FAM184A: variants seen among roughly 807,000 people sequenced by gnomAD.
FAM184A encodes protein FAM184A.
FAM184A carries 99 observed loss-of-function variants against 143.8 expected under a neutral mutation model. The ratio of observed to expected loss-of-function variants is 0.69; its 90% CI spans 0.58 to 0.81. The LOEUF is 0.81. FAM184A is among the 40% of genes least tolerant of loss of function. FAM184A has a pLI of 0.00. For missense variants in FAM184A, 1,217 were observed against 1,310.5 expected, an observed-to-expected ratio of 0.93 and a Z score of 1.10; for synonymous variants, 427 against 446.4, an observed-to-expected ratio of 0.96 and a Z score of 0.55.
At chr6:119,075,277 C>T (rs1352099134) in intron 1 of FAM184A, among the ~76,000 whole-genome samples, 2 of 152,076 alleles carry the variant, frequency 1.3e-5, no homozygotes, top group Non-Finnish European at 2.9e-5. Context: ...TATCACACAA[C>T]GCTGTTAAAT....
intron 1 of FAM184A, among the ~76,000 whole-genome samples, chr6:119,048,962 C>T (rs1455320640): frequency 6.6e-6 from 1 of 152,174 alleles, no homozygotes; most frequent in Non-Finnish European, 1.5e-5. Flanking sequence ...CAATGCTATT[C>T]CAATCCAACT....
chr6:119,020,753 T>C (rs1447700724), intron 3 of FAM184A, among the ~76,000 whole-genome samples: 2 of 152,022 alleles, frequency 1.3e-5, no homozygotes, highest in Non-Finnish European at 2.9e-5. Context: ...GATGGGAGGA[T>C]TGTTTGAGCC....
chr6:119,081,091 T>C (rs1338875123), upstream of FAM184A, among the ~76,000 whole-genome samples: 1 of 152,134 alleles, frequency 6.6e-6, no homozygotes, highest in Non-Finnish European at 1.5e-5. Flanking sequence ...ACCAAGTGAA[T>C]GGTGCTAACC....
intron 9 of FAM184A, among the ~76,000 whole-genome samples, chr6:119,002,338 C>A (rs898687179): frequency 1.3e-5 from 2 of 152,048 alleles, no homozygotes; most frequent in African/African-American, 4.8e-5. Context: ...TGAAAATGTG[C>A]AAATTCTTTT....
intron 6 of FAM184A, chr6:119,011,032 G>A (rs1293773337): frequency 3.8e-6 from 1 of 260,236 alleles, no homozygotes; most frequent in Non-Finnish European, 7.2e-6. Context: ...TTTGGCAAAA[G>A]GGTAGAGAAC....
At chr6:119,044,367 G>A (rs1477610070) in intron 1 of FAM184A, among the ~76,000 whole-genome samples, 1 of 152,164 alleles carries the variant, frequency 6.6e-6, no homozygotes, top group East Asian at 1.9e-4. Context: ...AGAATCACTT[G>A]AGACCAGGAA....
At chr6:118,983,834 A>G (rs574199999) in intron 9 of FAM184A, among the ~76,000 whole-genome samples, 92 of 152,176 alleles carry the variant, frequency 6.0e-4, no homozygotes, top group African/African-American at 2.0e-3. Flanking sequence ...AAGTTTTATA[A>G]AAATTTCAAA....
intron 1 of FAM184A, among the ~76,000 whole-genome samples, chr6:119,032,240 C>T (rs985880649): frequency 6.6e-6 from 1 of 151,524 alleles, no homozygotes; most frequent in Admixed American, 6.6e-5. Flanking sequence ...CTACTGCACT[C>T]CAACCTGGGC....
chr6:119,003,601 G>A lies in FAM184A; in HGVS notation c.1837C>T (p.Gln613Ter), dbSNP rs1359888430. 1 of 1,611,386 alleles carries A rather than the reference G, an allele frequency of 6.2e-7. No individual in the cohort carries two copies. Residue 613 changes from glutamine to a stop codon, truncating the protein, a stop_gained, in exon 8 of 18, where the codon CAA (glutamine) becomes TAA (stop). Transcript: ENST00000338891. LOFTEE classifies it high-confidence loss of function. ...NVEGELEQERQQHEETIAAMK... is the reference protein window; with the variant it reads ...NVEGELEQER ...GCAGCAATTGTTTCTTCATGCTGTT[G>A]CCTTTCTTGTTCTAGCTCACCCTGA...
chr6:118,963,565 G>A (rs1040460619), intron 16 of FAM184A: 11 of 152,118 alleles, frequency 7.2e-5, no homozygotes, highest in African/African-American at 2.2e-4. Context: ...GTAAAGGAAG[G>A]ATAGATTCAG....
At chr6:119,068,165 G>C (rs1787535456) in intron 1 of FAM184A, among the ~76,000 whole-genome samples, 1 of 149,940 alleles carries the variant, frequency 6.7e-6, no homozygotes, top group Non-Finnish European at 1.5e-5. Context: ...TCCTGCCTCA[G>C]CCTCCCGAGT....
intron 1 of FAM184A, among the ~76,000 whole-genome samples, chr6:119,086,134 A>T (rs139113352): frequency 6.6e-6 from 1 of 152,212 alleles, no homozygotes; most frequent in African/African-American, 2.4e-5. Flanking sequence ...AAAATCTAGC[A>T]AAGTTAGCAT....
intron 14 of FAM184A, among the ~76,000 whole-genome samples, chr6:118,973,597 T>G (rs1031524393): frequency 3.3e-5 from 5 of 152,250 alleles, no homozygotes; most frequent in African/African-American, 1.2e-4. Flanking sequence ...TATATTTGAT[T>G]GGAAGAGGAG....
intron 1 of FAM184A, among the ~76,000 whole-genome samples, chr6:119,119,110 C>T (rs1297999887): frequency 1.3e-5 from 2 of 152,158 alleles, no homozygotes; most frequent in African/African-American, 2.4e-5. Context: ...AGGAAATTCC[C>T]GCCTAATAAA....
chr6:119,079,102 G>A (rs993609138), upstream of FAM184A: 3 of 152,324 alleles, frequency 2.0e-5, no homozygotes, highest in African/African-American at 7.2e-5. Flanking sequence ...AAGAAGAGAG[G>A]CAAGCCCAAT....
chr6:119,056,160 A>G (rs555537809), intron 1 of FAM184A, among the ~76,000 whole-genome samples: 2 of 152,360 alleles, frequency 1.3e-5, no homozygotes, highest in Non-Finnish European at 2.9e-5. Flanking sequence ...AGATATTTCA[A>G]AGAAAGAAGT....
intron 1 of FAM184A, among the ~76,000 whole-genome samples, chr6:119,091,022 A>G (rs1033019658): frequency 6.6e-6 from 1 of 152,210 alleles, no homozygotes; most frequent in Non-Finnish European, 1.5e-5. Flanking sequence ...CCTTGCCAGT[A>G]TGAAAAATGC....
chr6:119,007,425 C>T (rs1784957096), intron 6 of FAM184A, among the ~76,000 whole-genome samples: 1 of 152,024 alleles, frequency 6.6e-6, no homozygotes, highest in Non-Finnish European at 1.5e-5. Context: ...ATTCCCTCCC[C>T]AAGTGCACGG....
chr6:118,959,920 A>AAT lies in FAM184A; in HGVS notation c.*181_*182dup. On this transcript the variant is annotated 3_prime_UTR_variant, in exon 18 of 18. Coordinates refer to ENST00000338891, the MANE Select transcript of FAM184A (RefSeq NM_024581.6). ...AAATAACAGTTATAATTACACACAT[A>AAT]ATATAGTACCTTATAGAATGATTCC... The AAT allele has an allele frequency of 2.4e-6, 1 of 408,690 alleles. No individual in the cohort carries two copies. Among genetic ancestry groups the AAT allele is most frequent in the Non-Finnish European group, 4.3e-6 (1 of 231,290 alleles). The allele number at this position is 408,690 out of a possible 1,614,324, so 25.3% of individuals were successfully genotyped here.
Sources: allele counts gnomAD v4.1 joint callset (sites outside exome capture counted in the v4.1 genomes callset), GRCh38; gene constraint gnomAD v4.1.1; transcripts MANE v1.5; gene names NCBI Gene and HGNC (gene_info 2026-07-23, HGNC 2026-07-21).